Variants in NAV3 observed in about 807,000 individuals in gnomAD.
NAV3 encodes the protein neuron navigator 3.
NAV3 carries 87 observed loss-of-function variants against 244.7 expected under a neutral mutation model. The ratio of observed to expected loss-of-function variants is 0.36; its 90% CI spans 0.30 to 0.42. NAV3 has a LOEUF of 0.42. Among genes scored for constraint, NAV3 ranks in the 20% least tolerant of loss-of-function variants. NAV3 has a pLI of 1.00. For missense variants in NAV3, 2,663 were observed against 2,893.3 expected (o/e 0.92, Z 1.83); for synonymous variants, 1,126 against 1,042.2 (o/e 1.08, Z -1.55).
chr12:77,824,974 G>T (rs1205152107), intron 2 of NAV3, among the ~76,000 whole-genome samples: 1 of 152,176 alleles, frequency 6.6e-6, no homozygotes, highest in Non-Finnish European at 1.5e-5. Context: ...CTTATCAGAA[G>T]TTGGATAATA....
intron 2 of NAV3, among the ~76,000 whole-genome samples, chr12:77,797,558 T>C (rs1871480515): frequency 6.9e-6 from 1 of 145,720 alleles, no homozygotes; most frequent in Non-Finnish European, 1.5e-5. Flanking sequence ...TTAAAGTAGC[T>C]TAGGCCGGGC....
intron 23 of NAV3, among the ~76,000 whole-genome samples, chr12:78,163,491 C>G (rs1044895134): frequency 6.6e-6 from 1 of 151,944 alleles, no homozygotes; most frequent in Non-Finnish European, 1.5e-5. Flanking sequence ...TTGCTTGAAC[C>G]CTGGAGGTGA....
intron 3 of NAV3, among the ~76,000 whole-genome samples, chr12:77,965,594 G>A (rs1007509658): frequency 2.6e-5 from 4 of 152,198 alleles, no homozygotes; most frequent in African/African-American, 9.7e-5. Context: ...ACTCCAGCCT[G>A]TGTGACGGAG....
At chr12:77,907,976 A>G (rs1332793666) in intron 1 of NAV3, among the ~76,000 whole-genome samples, 2 of 152,108 alleles carry the variant, frequency 1.3e-5, no homozygotes, top group Non-Finnish European at 2.9e-5. Flanking sequence ...TGACATGCAT[A>G]TTAAACACAA....
rs552747768 is a variant in NAV3 at position 77,995,065 on chromosome 12, G to A, written c.740+194G>A. Among the ~76,000 whole-genome samples the A allele has an allele frequency of 5.9e-5, 9 of 151,952 alleles. No homozygotes were observed. In the South Asian group the frequency reaches 1.7e-3, roughly 28 times the overall value. ...GTACTAGATAATTAAATGGGTTTTG[G>A]CATCTTTTTTAGTTTTGTGATATGT... On this transcript the variant is annotated intron_variant, in intron 6 of 39. Transcript: ENST00000397909.
intron 1 of NAV3, among the ~76,000 whole-genome samples, chr12:77,851,555 T>C (rs1289011198): frequency 2.0e-5 from 3 of 152,118 alleles, no homozygotes; most frequent in African/African-American, 7.2e-5. Flanking sequence ...TATTAAGCAA[T>C]CAATTATTTG....
At chr12:77,632,936 C>T (rs1871980570) in intron 2 of NAV3, among the ~76,000 whole-genome samples, 2 of 152,026 alleles carry the variant, frequency 1.3e-5, no homozygotes, top group Non-Finnish European at 2.9e-5. Flanking sequence ...GAAATGTTAA[C>T]TATTATTGCA....
intron 1 of NAV3, among the ~76,000 whole-genome samples, chr12:77,832,075 A>G (rs1208438960): frequency 6.6e-6 from 1 of 152,184 alleles, no homozygotes; most frequent in Non-Finnish European, 1.5e-5. Flanking sequence ...GTACTTTCAA[A>G]AAGACATTTA....
At chr12:78,074,092 A>G (rs187815670) in intron 12 of NAV3, among the ~76,000 whole-genome samples, 3 of 152,358 alleles carry the variant, frequency 2.0e-5, no homozygotes, top group Non-Finnish European at 2.9e-5. Context: ...GGCAACACTG[A>G]AGAAGAATTG....
intron 2 of NAV3, among the ~76,000 whole-genome samples, chr12:77,667,076 C>G (rs696468): frequency 2.6e-5 from 4 of 151,954 alleles, no homozygotes; most frequent in African/African-American, 9.7e-5. Flanking sequence ...TTATGCAGAA[C>G]GTAAAGTCTG....
chr12:77,995,918 C>G (rs1394967768), intron 6 of NAV3, among the ~76,000 whole-genome samples: 1 of 152,042 alleles, frequency 6.6e-6, no homozygotes, highest in Non-Finnish European at 1.5e-5. Flanking sequence ...CTCTCCCTCT[C>G]TCTCTCTCCT....
chr12:78,005,180 G>A (rs1454701552), intron 7 of NAV3, among the ~76,000 whole-genome samples: 1 of 152,078 alleles, frequency 6.6e-6, no homozygotes, highest in Non-Finnish European at 1.5e-5. Context: ...TACATAACAA[G>A]TATGTGGACA....
chr12:78,083,343 C>T (rs1953459021), intron 12 of NAV3, among the ~76,000 whole-genome samples: 1 of 152,138 alleles, frequency 6.6e-6, no homozygotes, highest in Non-Finnish European at 1.5e-5. Context: ...AATACAGCTG[C>T]ATTGGGGGTT....
At chr12:77,896,220 G>C (rs1222771328) in intron 1 of NAV3, among the ~76,000 whole-genome samples, 1 of 152,118 alleles carries the variant, frequency 6.6e-6, no homozygotes, top group Non-Finnish European at 1.5e-5. Flanking sequence ...GAAGTTCACT[G>C]TAAGTCGATA....
At chr12:77,579,398 A>G (rs1226274436) in intron 2 of NAV3, among the ~76,000 whole-genome samples, 1 of 152,240 alleles carries the variant, frequency 6.6e-6, no homozygotes, top group Non-Finnish European at 1.5e-5. Flanking sequence ...TATAAGAAAT[A>G]GAAATTCCTT....
At chr12:77,716,769 T>C (rs903887561) in intron 2 of NAV3, among the ~76,000 whole-genome samples, 2 of 152,012 alleles carry the variant, frequency 1.3e-5, no homozygotes, top group South Asian at 4.1e-4. Flanking sequence ...ATTTATTCTC[T>C]CTTAATATTT....
intron 2 of NAV3, among the ~76,000 whole-genome samples, chr12:77,797,212 A>G (rs1871450613): frequency 6.6e-6 from 1 of 152,168 alleles, no homozygotes; most frequent in Admixed American, 6.5e-5. Flanking sequence ...AATATGCATT[A>G]TTGTCTCCAT....
At chr12:77,811,967 A>C (rs960308778) in intron 2 of NAV3, among the ~76,000 whole-genome samples, 6 of 152,222 alleles carry the variant, frequency 3.9e-5, no homozygotes, top group African/African-American at 1.4e-4. Context: ...CATCATCACT[A>C]TATTTTTATT....
At chr12:77,732,148 G>A (rs1268585586) in intron 2 of NAV3, among the ~76,000 whole-genome samples, 1 of 152,012 alleles carries the variant, frequency 6.6e-6, no homozygotes, top group African/African-American at 2.4e-5. Context: ...GATTCCTAGT[G>A]CCTTTTCCTC....
Sources: gnomAD v4.1 joint callset for allele counts (sites outside exome capture counted in the v4.1 genomes callset) on GRCh38, gnomAD v4.1.1 for gene constraint, MANE v1.5 for transcripts, NCBI Gene and HGNC (gene_info 2026-07-23, HGNC 2026-07-21) for gene names.